The following NCAM2 variants were observed in gnomAD, a reference collection of about 807,000 sequenced individuals.
The protein encoded by NCAM2 is N-CAM-2.
In NCAM2, 30 loss-of-function variants were observed where a neutral mutation model predicts 98.1. The observed-to-expected ratio is 0.31, with a 90% confidence interval of 0.23 to 0.41. The LOEUF (loss-of-function observed/expected upper bound fraction) is 0.41, where lower values mean the gene tolerates loss of function less well. Among genes scored for constraint, NCAM2 ranks in the 10% least tolerant of loss-of-function variants. The pLI is 1.00. For synonymous variants in NCAM2, 368 were observed against 342.4 expected, an observed-to-expected ratio of 1.07 and a Z score of -0.83; for missense variants, 867 against 1,005.8, an observed-to-expected ratio of 0.86 and a Z score of 1.87.
At chr21:21,168,342 T>C (rs1323215300) in intron 1 of NCAM2, among the ~76,000 whole-genome samples, 4 of 152,088 alleles carry the variant, frequency 2.6e-5, no homozygotes, top group Non-Finnish European at 5.9e-5. Flanking sequence ...GCTAACACCA[T>C]ACTTGGTGTT....
intron 1 of NCAM2, among the ~76,000 whole-genome samples, chr21:21,178,046 T>A (rs572042360): frequency 6.6e-6 from 1 of 152,306 alleles, no homozygotes; most frequent in East Asian, 1.9e-4. Flanking sequence ...TGTTTTAATG[T>A]CATTGCATTG....
rs114794223 is a variant in NCAM2, at chr21:21,062,317, C to T, written c.55+63699C>T. 4.4e-3 allele frequency among the ~76,000 whole-genome samples: 662 copies of T among 148,980 alleles called. 5 individuals carry two copies. Among genetic ancestry groups the T allele is most frequent in the African/African-American group, 9.5e-3 (386 of 40,844 alleles). On this transcript the variant is annotated intron_variant, in intron 1 of 17. Transcript: ENST00000400546. ...AGTCGTTTTTATTTTGCTTTTTTTT[C>T]GCCTAAGTATACAGAAATCATCATC...
intron 1 of NCAM2, among the ~76,000 whole-genome samples, chr21:21,060,975 A>G (rs2065309347): frequency 6.6e-6 from 1 of 152,104 alleles, no homozygotes; most frequent in African/African-American, 2.4e-5. Context: ...GCCTAAAATG[A>G]AGATTGTATG....
At chr21:21,212,828 C>T (rs910299098) in intron 1 of NCAM2, among the ~76,000 whole-genome samples, 7 of 151,340 alleles carry the variant, frequency 4.6e-5, no homozygotes, top group African/African-American at 7.3e-5. Context: ...CTGCGAGCAC[C>T]GCCTCCCGGG....
chr21:21,208,115 A>T (rs1247589400), intron 1 of NCAM2, among the ~76,000 whole-genome samples: 4 of 152,190 alleles, frequency 2.6e-5, no homozygotes, highest in Non-Finnish European at 4.4e-5. Flanking sequence ...GTGTTAGATC[A>T]TAAGCCCCTT....
intron 1 of NCAM2, among the ~76,000 whole-genome samples, chr21:21,020,913 T>G (rs2064420790): frequency 6.6e-6 from 1 of 152,108 alleles, no homozygotes; most frequent in African/African-American, 2.4e-5. Flanking sequence ...TAGAGTACCG[T>G]CCATGCTTGT....
intron 8 of NCAM2, among the ~76,000 whole-genome samples, chr21:21,339,948 A>T (rs1464131213): frequency 3.3e-5 from 5 of 151,970 alleles, no homozygotes; most frequent in African/African-American, 1.2e-4. Context: ...AATCAAATTT[A>T]TAAAATGTGA....
chr21:21,172,098 AT>A (rs571362535), intron 1 of NCAM2, among the ~76,000 whole-genome samples: 31 of 150,520 alleles, frequency 2.1e-4, no homozygotes, highest in East Asian at 5.9e-4. Context: ...TATAGATCGT[AT>A]TTTTTTTTCC....
intron 1 of NCAM2, among the ~76,000 whole-genome samples, chr21:21,150,186 A>G: frequency 6.6e-6 from 1 of 152,204 alleles, no homozygotes; most frequent in East Asian, 1.9e-4. Context: ...TTGTGGATAT[A>G]GAAATACAAT....
chr21:21,387,106 G>A (rs2076284657), intron 9 of NCAM2, among the ~76,000 whole-genome samples: 1 of 151,794 alleles, frequency 6.6e-6, no homozygotes, highest in Non-Finnish European at 1.5e-5. Flanking sequence ...AGATTAGGAT[G>A]CTAGCACGGT....
At chr21:21,362,607 T>C (rs979089161) in intron 8 of NCAM2, among the ~76,000 whole-genome samples, 5 of 152,154 alleles carry the variant, frequency 3.3e-5, no homozygotes, top group Admixed American at 6.6e-5. Context: ...TCATGTTTCC[T>C]CCATAAATCC....
At chr21:21,291,090 C>A (rs1013315009) in intron 4 of NCAM2, among the ~76,000 whole-genome samples, 15 of 151,666 alleles carry the variant, frequency 9.9e-5, no homozygotes, top group Non-Finnish European at 5.9e-5. Context: ...AGGCTGGGTA[C>A]CTTAAAATAA....
At chr21:21,230,830 C>G (rs888685597) in intron 1 of NCAM2, among the ~76,000 whole-genome samples, 1 of 151,184 alleles carries the variant, frequency 6.6e-6, no homozygotes, top group Non-Finnish European at 1.5e-5. Flanking sequence ...GGTCTTGGTT[C>G]ATTAACAACA....
chr21:21,327,234 G>A (rs1305675325), intron 6 of NCAM2, among the ~76,000 whole-genome samples: 1 of 149,140 alleles, frequency 6.7e-6, no homozygotes, highest in African/African-American at 2.5e-5. Flanking sequence ...CTTGAACCCG[G>A]GAGACGGAGG....
intron 1 of NCAM2, among the ~76,000 whole-genome samples, chr21:21,153,884 G>A (rs1256099767): frequency 1.3e-5 from 2 of 151,794 alleles, no homozygotes; most frequent in African/African-American, 4.8e-5. Flanking sequence ...AAAGTAGCTA[G>A]GTCAAAGTAT....
chr21:21,383,866 C>A (rs1412797427), intron 9 of NCAM2, among the ~76,000 whole-genome samples: 1 of 151,662 alleles, frequency 6.6e-6, no homozygotes, highest in African/African-American at 2.4e-5. Flanking sequence ...ATCATATATT[C>A]TCAAAAACAT....
chr21:21,294,808 C>T (rs949363934), intron 5 of NCAM2, among the ~76,000 whole-genome samples: 1 of 127,192 alleles, frequency 7.9e-6, no homozygotes, highest in Non-Finnish European at 1.6e-5. Context: ...TTTTAAATAT[C>T]GAGGTTTTTT....
intron 16 of NCAM2, among the ~76,000 whole-genome samples, chr21:21,515,672 G>T (rs1187367401): frequency 6.6e-6 from 1 of 152,058 alleles, no homozygotes; most frequent in Non-Finnish European, 1.5e-5. Flanking sequence ...TTTACTACCT[G>T]TAATACCATA....
intron 16 of NCAM2, among the ~76,000 whole-genome samples, chr21:21,528,470 G>T (rs906180901): frequency 1.3e-4 from 20 of 152,068 alleles, no homozygotes; most frequent in Non-Finnish European, 1.0e-4. Context: ...GGAAATCTCT[G>T]TATCTCCCTC....
Sources: gnomAD v4.1 joint callset for allele counts (sites outside exome capture counted in the v4.1 genomes callset) on GRCh38, gnomAD v4.1.1 for gene constraint, MANE v1.5 for transcripts, NCBI Gene and HGNC (gene_info 2026-07-23, HGNC 2026-07-21) for gene names.